Variants in BCL2 observed in about 807,000 individuals in gnomAD.
BCL2 encodes the protein apoptosis regulator Bcl-2.
BCL2 carries 1 observed loss-of-function variant against 14.2 expected under a neutral mutation model. That is an observed-to-expected ratio of 0.07 (90% CI 0.02 to 0.33). BCL2 has a LOEUF of 0.33. Among genes scored for constraint, BCL2 ranks in the 10% least tolerant of loss-of-function variants. BCL2 has a pLI of 0.99. For missense variants in BCL2, 247 were observed against 305.9 expected (o/e 0.81, Z 1.44); for synonymous variants, 151 against 137.2 (o/e 1.10, Z -0.70).
Position 63,276,684 on chromosome 18 carries a change from C to T in BCL2, c.585+41398G>A, listed in dbSNP as rs138815653. 1.2e-4 allele frequency among the ~76,000 whole-genome samples: 19 copies of T among 152,282 alleles called. No individual in the cohort carries two copies. In the East Asian group the frequency reaches 2.9e-3, roughly 23 times the overall value. ...AATATCACATCACTAAAGTCAACAC[C>T]GATTATGTCATTTGAGTGGCCAATA... On this transcript the variant is annotated intron_variant, in intron 2 of 2. Transcript: ENST00000333681.
chr18:63,269,713 CA>C (rs1389992914), intron 2 of BCL2, among the ~76,000 whole-genome samples: 1 of 152,082 alleles, frequency 6.6e-6, no homozygotes, highest in Non-Finnish European at 1.5e-5. Flanking sequence ...TGTGCCCTTA[CA>C]AATCAAAACT....
intron 2 of BCL2, among the ~76,000 whole-genome samples, chr18:63,233,330 T>A (rs146716417): frequency 7.5e-4 from 115 of 152,318 alleles, no homozygotes; most frequent in African/African-American, 2.6e-3. Context: ...TAACTTCAAG[T>A]GATAAAGCAA....
At chr18:63,275,382 TCAA>T (rs1213362320) in intron 2 of BCL2, among the ~76,000 whole-genome samples, 1 of 152,124 alleles carries the variant, frequency 6.6e-6, no homozygotes, top group African/African-American at 2.4e-5. Context: ...CCACCTTCAC[TCAA>T]CAACAGCAAG....
chr18:63,313,414 T>A (rs1445779395), intron 2 of BCL2, among the ~76,000 whole-genome samples: 2 of 152,206 alleles, frequency 1.3e-5, no homozygotes, highest in Non-Finnish European at 1.5e-5. Context: ...CACTGAGTGG[T>A]CTCCTACATG....
intron 2 of BCL2, among the ~76,000 whole-genome samples, chr18:63,210,446 C>T (rs1909967736): frequency 6.6e-6 from 1 of 152,158 alleles, no homozygotes; most frequent in South Asian, 2.1e-4. Flanking sequence ...TCATTGGCTT[C>T]AAATTTCAAT....
intron 2 of BCL2, among the ~76,000 whole-genome samples, chr18:63,207,432 G>T (rs962781166): frequency 1.3e-5 from 2 of 152,264 alleles, no homozygotes; most frequent in African/African-American, 4.8e-5. Flanking sequence ...GTAAGTCTAA[G>T]AAAAAGAATT....
At position 63,261,550 on chromosome 18, in the gene BCL2, C is replaced by T. The variant is rs146478533; in HGVS notation, c.585+56532G>A. On this transcript the variant is annotated intron_variant, in intron 2 of 2. Coordinates refer to ENST00000333681, the MANE Select transcript of BCL2 (RefSeq NM_000633.3). ...CCTTTCCTCCCATAAGACAACTCAG[C>T]GTGGAGTTGTTGAATGAATAGGAAA... is the stretch of plus-strand genomic sequence containing the variant. Among the ~76,000 whole-genome samples, 236 of 152,200 alleles carry T rather than the reference C, an allele frequency of 1.6e-3. 1 individual carries two copies. The highest frequency in any genetic ancestry group is 7.8e-4 in the Non-Finnish European group (53 of 68,014).
At chr18:63,269,113 C>A (rs1459429712) in intron 2 of BCL2, among the ~76,000 whole-genome samples, 9 of 151,766 alleles carry the variant, frequency 5.9e-5, no homozygotes, top group Non-Finnish European at 1.3e-4. Flanking sequence ...CCACCATGAT[C>A]GGTAATTTTT....
intron 2 of BCL2, among the ~76,000 whole-genome samples, chr18:63,158,581 C>T (rs1419925797): frequency 6.6e-6 from 1 of 152,164 alleles, no homozygotes; most frequent in Non-Finnish European, 1.5e-5. Context: ...AGGCAGTGGA[C>T]ACAAGCCTGT....
chr18:63,312,741 A>G (rs1400696652), intron 2 of BCL2, among the ~76,000 whole-genome samples: 1 of 152,244 alleles, frequency 6.6e-6, no homozygotes, highest in Non-Finnish European at 1.5e-5. Flanking sequence ...ATTTTTTGGC[A>G]TACAAGAGTT....
chr18:63,261,409 C>A (rs562960107), intron 2 of BCL2, among the ~76,000 whole-genome samples: 2 of 152,132 alleles, frequency 1.3e-5, no homozygotes, highest in Admixed American at 1.3e-4. Flanking sequence ...ATAGGGAGCA[C>A]GAACTAGATA....
intron 2 of BCL2, among the ~76,000 whole-genome samples, chr18:63,267,343 A>G (rs183061196): frequency 3.5e-4 from 54 of 152,312 alleles, no homozygotes; most frequent in African/African-American, 1.2e-3. Context: ...CAGCAACTCA[A>G]GGAGGAAATG....
intron 2 of BCL2, among the ~76,000 whole-genome samples, chr18:63,145,315 A>G (rs946580760): frequency 1.3e-5 from 2 of 152,136 alleles, no homozygotes; most frequent in African/African-American, 4.8e-5. Context: ...CCACGGACAG[A>G]GCATAAGCCC....
At chr18:63,184,380 C>T (rs1915543980) in intron 2 of BCL2, among the ~76,000 whole-genome samples, 1 of 152,220 alleles carries the variant, frequency 6.6e-6, no homozygotes, top group African/African-American at 2.4e-5. Context: ...ATTCTCATTA[C>T]AGATGAATAC....
chr18:63,279,597 G>A (rs1286216053), intron 2 of BCL2, among the ~76,000 whole-genome samples: 1 of 152,202 alleles, frequency 6.6e-6, no homozygotes, highest in Non-Finnish European at 1.5e-5. Context: ...ACTATTTGGT[G>A]TGTTCCCAAT....
At chr18:63,229,370 A>G (rs1303231772) in intron 2 of BCL2, among the ~76,000 whole-genome samples, 1 of 152,220 alleles carries the variant, frequency 6.6e-6, no homozygotes, top group Admixed American at 6.5e-5. Context: ...CTTTGCATTT[A>G]GAATGAAGTC....
At chr18:63,172,895 A>G (rs17070798) in intron 2 of BCL2, among the ~76,000 whole-genome samples, 14,692 of 152,282 alleles carry the variant, frequency 0.096, 1,243 homozygotes, top group African/African-American at 0.22. Context: ...TGATGCACCA[A>G]CGGATCTCAA....
chr18:63,179,375 G>A (rs181268958), intron 2 of BCL2, among the ~76,000 whole-genome samples: 17 of 152,280 alleles, frequency 1.1e-4, no homozygotes, highest in Admixed American at 2.0e-4. Context: ...CAGACACACC[G>A]TACATTCCAG....
rs147197117 is a variant in BCL2, at chr18:63,170,928, T to C, written c.586-42169A>G. On this transcript the variant is annotated intron_variant, in intron 2 of 2. Coordinates refer to ENST00000333681, the MANE Select transcript of BCL2 (RefSeq NM_000633.3). ...AATCGAGTGTCTTCTTCCAAAAACTTAGAATCAGGTAGACGCCAATGTTTT... is the reference window on the plus strand; with the variant it reads ...AATCGAGTGTCTTCTTCCAAAAACTCAGAATCAGGTAGACGCCAATGTTTT... 2.2e-4 allele frequency among the ~76,000 whole-genome samples: 34 copies of C among 152,344 alleles called. No individual in the cohort carries two copies. The East Asian group carries it at 6.0e-3, about 27-fold the overall frequency.
Sources: allele counts gnomAD v4.1 joint callset (sites outside exome capture counted in the v4.1 genomes callset), GRCh38; gene constraint gnomAD v4.1.1; transcripts MANE v1.5; gene names NCBI Gene and HGNC (gene_info 2026-07-23, HGNC 2026-07-21).